The following LUC7L2 variants were observed in gnomAD, a reference collection of about 807,000 sequenced individuals.
LUC7L2 encodes LUC7 like 2, pre-mRNA splicing factor.
Under a neutral mutation model 52.8 loss-of-function variants are expected in LUC7L2, and 25 were observed. The observed-to-expected ratio is 0.47, with a 90% CI of 0.34 to 0.66. LUC7L2 has a LOEUF of 0.66. Among genes scored for constraint, LUC7L2 ranks in the 30% least tolerant of loss-of-function variants. The probability of loss-of-function intolerance (pLI) is 0.01; values close to 1 mark genes in which losing one functional copy is unlikely to be tolerated. For missense variants in LUC7L2, 328 were observed against 497.8 expected, an observed-to-expected ratio of 0.66 and a Z score of 3.25; for synonymous variants, 144 against 160.9, an observed-to-expected ratio of 0.89 and a Z score of 0.80.
At chr7:139,405,057 A>T (rs1207644907) in intron 4 of LUC7L2, among the ~76,000 whole-genome samples, 1 of 152,230 alleles carries the variant, frequency 6.6e-6, no homozygotes, top group African/African-American at 2.4e-5. Flanking sequence ...TTATGAAAGG[A>T]ACTGTCAAAA....
At chr7:139,362,059 G>C (rs1799912445) in intron 1 of LUC7L2, among the ~76,000 whole-genome samples, 1 of 151,780 alleles carries the variant, frequency 6.6e-6, no homozygotes, top group Non-Finnish European at 1.5e-5. Context: ...CAGAAACATG[G>C]ATTTCTTAAA....
chr7:139,419,272 G>C (rs995092996), intron 9 of LUC7L2, among the ~76,000 whole-genome samples: 2 of 152,208 alleles, frequency 1.3e-5, no homozygotes, highest in African/African-American at 4.8e-5. Context: ...GAGTTTAGAT[G>C]AGGCAAATAA....
At chr7:139,375,685 A>T (rs1800670835) in intron 1 of LUC7L2, 1 of 922,808 alleles carries the variant, frequency 1.1e-6, no homozygotes, top group Admixed American at 5.9e-5. Flanking sequence ...TACCAGTATA[A>T]ACTCTCTTAG....
intron 3 of LUC7L2, among the ~76,000 whole-genome samples, chr7:139,400,745 T>C (rs1472833626): frequency 6.6e-6 from 1 of 152,216 alleles, no homozygotes; most frequent in Non-Finnish European, 1.5e-5. Flanking sequence ...GATTAGTCCA[T>C]CTTTTCTCTC....
chr7:139,397,327 C>G (rs1794702902), intron 2 of LUC7L2, among the ~76,000 whole-genome samples: 1 of 152,196 alleles, frequency 6.6e-6, no homozygotes, highest in African/African-American at 2.4e-5. Flanking sequence ...CAACTCATCC[C>G]AAGTAGGCCC....
intron 1 of LUC7L2, 161 bp from the exon 2 acceptor site, chr7:139,375,901 A>AAAAT: frequency 3.0e-6 from 2 of 668,878 alleles, no homozygotes; most frequent in Non-Finnish European, 4.8e-6. Context: ...CATGTTGTCT[A>AAAAT]AAATAGTTTT....
intron 1 of LUC7L2, among the ~76,000 whole-genome samples, chr7:139,370,405 T>G (rs1191667173): frequency 6.6e-6 from 1 of 152,212 alleles, no homozygotes; most frequent in Non-Finnish European, 1.5e-5. Flanking sequence ...TAAGAGTTAC[T>G]GTGCAGCAGT....
At chr7:139,394,859 G>A (rs1794592126) in intron 2 of LUC7L2, among the ~76,000 whole-genome samples, 1 of 152,336 alleles carries the variant, frequency 6.6e-6, no homozygotes, top group South Asian at 2.1e-4. Flanking sequence ...CCCTGAGCAA[G>A]TCATTCTTTC....
intron 2 of LUC7L2, among the ~76,000 whole-genome samples, chr7:139,387,158 A>G (rs1179025756): frequency 6.6e-6 from 1 of 151,778 alleles, no homozygotes. Context: ...TTGAGAATAC[A>G]TGGTCTCATA....
intron 1 of LUC7L2, chr7:139,341,517 C>T (rs1357828137): frequency 1.2e-6 from 2 of 1,612,254 alleles, no homozygotes; most frequent in Non-Finnish European, 1.7e-6. Flanking sequence ...TTTCCGTGCA[C>T]ATCGGGTACG....
intron 1 of LUC7L2, chr7:139,374,414 A>AT (rs1800606707): frequency 1.3e-6 from 2 of 1,550,726 alleles, no homozygotes; most frequent in Non-Finnish European, 1.7e-6. Context: ...CAATGTATCT[A>AT]TGCCTGCCTA....
intron 1 of LUC7L2, among the ~76,000 whole-genome samples, chr7:139,343,530 T>C (rs1799104005): frequency 1.3e-5 from 2 of 152,188 alleles, no homozygotes; most frequent in South Asian, 4.1e-4. Context: ...CAGTGAGCCA[T>C]GTTCATACCA....
chr7:139,411,293 T>C (rs1004906701), intron 7 of LUC7L2, among the ~76,000 whole-genome samples: 2 of 152,120 alleles, frequency 1.3e-5, no homozygotes, highest in African/African-American at 4.8e-5. Context: ...TAAAGAAATA[T>C]GGAAGTATGG....
chr7:139,401,593 C>T (rs999639279), intron 3 of LUC7L2, among the ~76,000 whole-genome samples: 1 of 152,006 alleles, frequency 6.6e-6, no homozygotes, highest in East Asian at 1.9e-4. Flanking sequence ...GCTGGGATTA[C>T]AGGCGCGCAC....
intron 2 of LUC7L2, among the ~76,000 whole-genome samples, chr7:139,385,644 G>A (rs1277910711): frequency 6.6e-6 from 1 of 152,164 alleles, no homozygotes; most frequent in Non-Finnish European, 1.5e-5. Flanking sequence ...TGAAATTAAA[G>A]AAAGTAGTAA....
chr7:139,360,409 G>T (rs756797037), intron 1 of LUC7L2, 87 bp downstream of exon 1: 2 of 1,269,330 alleles, frequency 1.6e-6, no homozygotes, highest in African/African-American at 1.5e-5. Flanking sequence ...GGGCGCGCGC[G>T]TGTGGCTGAG....
chr7:139,398,814 G>T (rs1794772097), intron 3 of LUC7L2, 117 bp downstream of exon 3: 6 of 838,386 alleles, frequency 7.2e-6, no homozygotes, highest in Non-Finnish European at 7.0e-6. Context: ...GTTATATGAA[G>T]GGTAAGACTC....
chr7:139,420,415 C>T (rs888085436), intron 9 of LUC7L2, among the ~76,000 whole-genome samples: 1 of 152,122 alleles, frequency 6.6e-6, no homozygotes, highest in African/African-American at 2.4e-5. Context: ...GTTGGCCGGG[C>T]TGGTCTCAAA....
Position 139,343,831 on chromosome 7 carries a change from G to A in LUC7L2, c.-26+3314G>A, listed in dbSNP as rs145258249. 3.0e-3 allele frequency among the ~76,000 whole-genome samples: 461 copies of A among 151,308 alleles called. 2 individuals are homozygous for A. The highest frequency in any genetic ancestry group is 0.01 in the African/African-American group (429 of 41,166). On this transcript the variant is annotated intron_variant, in intron 1 of 10. Coordinates refer to the LUC7L2 transcript ENST00000541170. The stretch of plus-strand genomic sequence containing the variant: ...GCGTCTGTAGTCCCAGCTACTTGCG[G>A]GGCTGAGGCAGGAGGATCACTTGAG...
Sources: gnomAD v4.1 joint callset for allele counts (sites outside exome capture counted in the v4.1 genomes callset) on GRCh38, gnomAD v4.1.1 for gene constraint, MANE v1.5 for transcripts, NCBI Gene and HGNC (gene_info 2026-07-23, HGNC 2026-07-21) for gene names.